Variants in LSMEM1 observed in about 807,000 individuals in gnomAD.
LSMEM1 encodes the protein leucine rich single-pass membrane protein 1, also known as leucine-rich single-pass membrane protein 1.
In LSMEM1, 10 loss-of-function variants were observed where a neutral mutation model predicts 11.3. The observed-to-expected ratio is 0.89, with a 90% CI of 0.55 to 1.50. The LOEUF (loss-of-function observed/expected upper bound fraction) is 1.50, where lower values mean the gene tolerates loss of function less well. LSMEM1 is among the 40% of genes most tolerant of loss of function. LSMEM1 has a pLI of 0.00. For synonymous variants in LSMEM1, 65 were observed against 59.3 expected (o/e 1.10, Z -0.44); for missense variants, 151 against 152.9 (o/e 0.99, Z 0.06).
In LSMEM1 at chr7:112,486,941, C is replaced by A. The variant is rs1237590527; in HGVS notation, c.146C>A (p.Pro49Gln). The change falls in exon 3 of 4, where the codon CCA becomes CAA. Residue 49 changes from proline (P) to glutamine (Q), a missense_variant. Coordinates refer to ENST00000312849, the MANE Select transcript of LSMEM1 (RefSeq NM_182597.3). ...QHLFPLEDKI[P>Q]VLGTNSGNGS... ...ATATTAGCTCTAGAGGACAAAATCC[C>A]AGTCCTTGGCACAAACTCAGGAAAT... The A allele has an allele frequency of 3.7e-6, 6 of 1,614,018 alleles. No homozygotes were observed. The Admixed American group carries it at 8.3e-5, about 22-fold the overall frequency.
chr7:112,488,361 C>A (rs755960221), intron 3 of LSMEM1, among the ~76,000 whole-genome samples: 14 of 152,174 alleles, frequency 9.2e-5, no homozygotes, highest in Non-Finnish European at 1.9e-4. Flanking sequence ...TCCTGCCACA[C>A]CCGCCTGGGG....
chr7:112,487,920 C>A (rs1194969825), intron 3 of LSMEM1, among the ~76,000 whole-genome samples: 1 of 152,228 alleles, frequency 6.6e-6, no homozygotes, highest in Non-Finnish European at 1.5e-5. Context: ...TCATTTCTTT[C>A]ACCCTTGAGT....
intron 3 of LSMEM1, among the ~76,000 whole-genome samples, chr7:112,488,879 G>A (rs919810036): frequency 6.6e-5 from 10 of 152,194 alleles, no homozygotes; most frequent in African/African-American, 2.2e-4. Flanking sequence ...TTATAGGCGT[G>A]AGCCACCGTG....
rs149617388 is a variant in LSMEM1 at position 112,487,024 on chromosome 7, C to A, written c.229C>A (p.Leu77Met). Residue 77 changes from leucine (L) to methionine (M), a missense_variant, in exon 3 of 4, where the codon CTG becomes ATG. By Grantham distance (15) the Leu-to-Met change is conservative. Coordinates refer to ENST00000312849, the MANE Select transcript of LSMEM1 (RefSeq NM_182597.3). ...LLIVLIVSLA[L>M]VFFVIFLIVQ... is the part of the protein sequence containing the mutation. ...AATTGTGCTGATTGTCAGCCTGGCA[C>A]TGGTTTTTTTCGTGATATTTCTAAT... is the stretch of plus-strand genomic sequence containing the variant. The A allele has an allele frequency of 9.3e-6, 15 of 1,613,980 alleles. No individual in the cohort carries two copies. In the African/African-American group the frequency reaches 1.3e-4, roughly 14 times the overall value.
At chr7:112,486,232 C>T (rs938329488) in intron 2 of LSMEM1, 7 of 258,570 alleles carry the variant, frequency 2.7e-5, no homozygotes, top group Non-Finnish European at 4.9e-5. Context: ...TATCCCACAA[C>T]CAGCTCTGTT....
chr7:112,486,540 G>T, intron 2 of LSMEM1: 1 of 315,528 alleles, frequency 3.2e-6, no homozygotes, highest in Admixed American at 3.9e-5. Flanking sequence ...ACTTTGGGAG[G>T]CCGAGGAGGG....
At chr7:112,489,774 A>C in intron 3 of LSMEM1, 36 bp from the exon 4 acceptor site, 2 of 1,590,464 alleles carry the variant, frequency 1.3e-6, no homozygotes, top group East Asian at 2.2e-5. Context: ...AACACAGTGG[A>C]AACCAATGTA....
Position 112,490,891 on chromosome 7 carries a change from T to C in LSMEM1, c.*942T>C, listed in dbSNP as rs1050262901. The C allele has an allele frequency of 1.3e-5, 2 of 152,192 alleles. No homozygotes were observed. Among genetic ancestry groups the C allele is most frequent in the African/African-American group, 4.8e-5 (2 of 41,444 alleles). The allele number at this position is 152,192 out of a possible 1,614,324, so 9.4% of individuals were successfully genotyped here. On this transcript the variant is annotated 3_prime_UTR_variant, in exon 4 of 4. Coordinates refer to ENST00000312849, the MANE Select transcript of LSMEM1 (RefSeq NM_182597.3). ...GAAATAAATGAGTTTAAAAAGCATATGAGTCTTAGAAAATCTTTTATTTAA... is the reference window on the plus strand; with the variant it reads ...GAAATAAATGAGTTTAAAAAGCATACGAGTCTTAGAAAATCTTTTATTTAA...
intron 1 of LSMEM1, among the ~76,000 whole-genome samples, chr7:112,482,882 G>GAATT (rs1796056741): frequency 6.6e-6 from 1 of 151,310 alleles, no homozygotes; most frequent in South Asian, 2.1e-4. Context: ...AAAACTCAGG[G>GAATT]AATTGTTTGT....
chr7:112,485,300 A>G (rs993242301), intron 2 of LSMEM1, among the ~76,000 whole-genome samples: 4 of 152,100 alleles, frequency 2.6e-5, no homozygotes, highest in Non-Finnish European at 5.9e-5. Flanking sequence ...CACTTCCCAC[A>G]GGAGTGTTGT....
rs1365449853 is a variant in LSMEM1, at chr7:112,490,128, T to C, written c.*179T>C. The C allele has an allele frequency of 1.2e-5, 7 of 605,898 alleles. No individual in the cohort carries two copies. The highest frequency in any genetic ancestry group is 9.3e-5 in the African/African-American group (5 of 53,930). 37.5% of individuals were successfully genotyped at this position (605,898 alleles called of 1,614,324 possible). A position where few individuals can be genotyped will look rare whatever the true frequency, so the allele number is the denominator to read the frequency against. ...GGAGCAATTCCAAGGCAAGTGGGTA[T>C]GGGAATAGCAACTAAAAAGGGGTGA... On this transcript the variant is annotated 3_prime_UTR_variant, in exon 4 of 4. Transcript: ENST00000312849.
At chr7:112,480,864 G>T (rs1164997885), upstream of LSMEM1, 2 of 456,140 alleles carry the variant, frequency 4.4e-6, no homozygotes, top group African/African-American at 4.0e-5. Flanking sequence ...GTGTTTGCAA[G>T]TCAGTCATCA....
chr7:112,487,444 G>A (rs1178727475), intron 3 of LSMEM1, among the ~76,000 whole-genome samples: 2 of 152,168 alleles, frequency 1.3e-5, no homozygotes, highest in Non-Finnish European at 1.5e-5. Flanking sequence ...AACTGAACTC[G>A]CTCCCAGGTT....
At chr7:112,480,705 T>C, upstream of LSMEM1, 1 of 405,958 alleles carries the variant, frequency 2.5e-6, no homozygotes, top group South Asian at 1.8e-5. Flanking sequence ...TTCCTTCACC[T>C]GTGGTGGGTC....
At chr7:112,485,026 T>G (rs1584514249) in intron 2 of LSMEM1, 83 bp downstream of exon 2, 14 of 1,344,638 alleles carry the variant, frequency 1.0e-5, no homozygotes, top group Non-Finnish European at 1.1e-5. Flanking sequence ...GATGTGTGGG[T>G]GTGGTGGAGG....
chr7:112,481,648 GCC>G (rs35023663), intron 1 of LSMEM1, among the ~76,000 whole-genome samples: 76,863 of 151,764 alleles, frequency 0.51, 20,086 homozygotes, highest in African/African-American at 0.59. Flanking sequence ...CCAAGCACCT[GCC>G]TGGTTAAAAA....
intron 3 of LSMEM1, 64 bp from the exon 4 acceptor site, chr7:112,489,746 T>A: frequency 1.3e-6 from 2 of 1,543,500 alleles, no homozygotes; most frequent in Non-Finnish European, 1.8e-6. Flanking sequence ...AACATGGGGA[T>A]CTGATGAATT....
At chr7:112,482,062 A>G (rs1158849868) in intron 1 of LSMEM1, among the ~76,000 whole-genome samples, 4 of 152,244 alleles carry the variant, frequency 2.6e-5, no homozygotes, top group East Asian at 1.9e-4. Flanking sequence ...TCCCTTTACT[A>G]GCAGCCTCAT....
At chr7:112,483,018 C>A (rs1217286964) in intron 1 of LSMEM1, among the ~76,000 whole-genome samples, 1 of 152,096 alleles carries the variant, frequency 6.6e-6, no homozygotes, top group African/African-American at 2.4e-5. Context: ...ACATTTTTCA[C>A]AAGTACCAGT....
Sources: allele counts gnomAD v4.1 joint callset (sites outside exome capture counted in the v4.1 genomes callset), GRCh38; gene constraint gnomAD v4.1.1; transcripts MANE v1.5; gene names NCBI Gene and HGNC (gene_info 2026-07-23, HGNC 2026-07-21).